Variants in DLG2 observed in about 807,000 individuals in gnomAD.
DLG2 encodes the protein discs large MAGUK scaffold protein 2.
In DLG2, 45 loss-of-function variants were observed where a neutral mutation model predicts 132.5. The ratio of observed to expected loss-of-function variants is 0.34; its 90% CI spans 0.27 to 0.44. DLG2 has a LOEUF of 0.44. DLG2 is among the 20% of genes least tolerant of loss of function. The pLI is 1.00. For missense variants in DLG2, 1,045 were observed against 1,196.9 expected (o/e 0.87, Z 1.87); for synonymous variants, 424 against 419.6 (o/e 1.01, Z -0.13).
Position 84,534,778 on chromosome 11 carries a change from G to T in DLG2, c.358-47C>A. ...GACAAGTATGTATATATCAGTGTTT[G>T]TAAAGGATATAGACTGAACTTCATA... On this transcript the variant is annotated intron_variant, in intron 6 of 27. Transcript: ENST00000376104. The T allele has an allele frequency of 5.7e-6, 9 of 1,588,502 alleles. No individual in the cohort carries two copies. The South Asian group carries it at 9.9e-5, about 18-fold the overall frequency.
At chr11:84,203,336 A>T (rs929550777) in intron 8 of DLG2, among the ~76,000 whole-genome samples, 8 of 152,116 alleles carry the variant, frequency 5.3e-5, no homozygotes, top group African/African-American at 1.9e-4. Context: ...TAATCTCAGC[A>T]CTTTGGGAGG....
intron 18 of DLG2, among the ~76,000 whole-genome samples, chr11:83,679,368 T>C (rs1035031133): frequency 7.2e-5 from 11 of 152,168 alleles, no homozygotes; most frequent in Non-Finnish European, 1.3e-4. Context: ...GGCCTAGTTG[T>C]TATTTGGCAA....
intron 3 of DLG2, among the ~76,000 whole-genome samples, chr11:85,434,042 T>G (rs2091340599): frequency 6.6e-6 from 1 of 152,028 alleles, no homozygotes; most frequent in Non-Finnish European, 1.5e-5. Flanking sequence ...AACAATTACA[T>G]GGAAATTGAA....
At chr11:84,684,579 TGGG>T (rs1486973473) in intron 6 of DLG2, among the ~76,000 whole-genome samples, 2 of 152,170 alleles carry the variant, frequency 1.3e-5, no homozygotes, top group Non-Finnish European at 2.9e-5. Context: ...CCTGAACATG[TGGG>T]TCAGATCTGG....
chr11:84,711,029 T>G (rs71191550), intron 6 of DLG2, among the ~76,000 whole-genome samples: 6,627 of 135,366 alleles, frequency 0.049, 200 homozygotes, highest in Middle Eastern at 0.12. Context: ...TATATATATA[T>G]ATAGAGCTGA....
intron 6 of DLG2, among the ~76,000 whole-genome samples, chr11:84,581,683 C>G (rs1011696498): frequency 6.6e-6 from 1 of 151,678 alleles, no homozygotes; most frequent in Non-Finnish European, 1.5e-5. Flanking sequence ...CCGAGGTGGG[C>G]GGATCACAAG....
intron 6 of DLG2, among the ~76,000 whole-genome samples, chr11:85,034,633 G>A (rs2061306797): frequency 6.6e-6 from 1 of 152,064 alleles, no homozygotes; most frequent in Non-Finnish European, 1.5e-5. Flanking sequence ...CAGAGTCTAG[G>A]CTTGAGCAAG....
chr11:83,553,347 G>A (rs1427455512), intron 19 of DLG2, among the ~76,000 whole-genome samples: 2 of 151,996 alleles, frequency 1.3e-5, no homozygotes, highest in Non-Finnish European at 2.9e-5. Context: ...AACACATAGG[G>A]TACATCTTAA....
intron 22 of DLG2, among the ~76,000 whole-genome samples, chr11:83,475,529 G>C (rs999680119): frequency 4.3e-5 from 6 of 138,936 alleles, no homozygotes; most frequent in African/African-American, 1.6e-4. Context: ...ATATTGCACT[G>C]TCTTGAAACA....
chr11:84,721,583 C>A (rs2067686441), intron 6 of DLG2, among the ~76,000 whole-genome samples: 1 of 149,822 alleles, frequency 6.7e-6, no homozygotes, highest in South Asian at 2.1e-4. Context: ...CTGGCTGGCA[C>A]AGCTGCAAAA....
At chr11:84,324,158 C>A (rs985160091) in intron 7 of DLG2, among the ~76,000 whole-genome samples, 1 of 151,900 alleles carries the variant, frequency 6.6e-6, no homozygotes, top group African/African-American at 2.4e-5. Flanking sequence ...ATAGGATTTT[C>A]TTTATATTTT....
intron 6 of DLG2, among the ~76,000 whole-genome samples, chr11:84,789,003 C>A (rs1297633132): frequency 1.3e-5 from 2 of 152,124 alleles, no homozygotes; most frequent in Non-Finnish European, 2.9e-5. Context: ...CATCCCTATG[C>A]CTTGTCTACA....
chr11:85,603,427 C>T (rs907638539), intron 2 of DLG2, among the ~76,000 whole-genome samples: 1 of 152,088 alleles, frequency 6.6e-6, no homozygotes, highest in Admixed American at 6.5e-5. Flanking sequence ...CACGTGATTA[C>T]CTCTAGTGCC....
At chr11:85,540,683 C>T (rs923167386) in intron 3 of DLG2, among the ~76,000 whole-genome samples, 2 of 152,254 alleles carry the variant, frequency 1.3e-5, no homozygotes, top group Non-Finnish European at 2.9e-5. Flanking sequence ...AAGCTGCCTA[C>T]AGACAGCAAA....
intron 3 of DLG2, among the ~76,000 whole-genome samples, chr11:85,448,482 G>A (rs1376821814): frequency 3.3e-5 from 5 of 152,128 alleles, no homozygotes; most frequent in Admixed American, 6.5e-5. Flanking sequence ...AAGTTAAAAG[G>A]AAACACTATT....
chr11:85,339,574 T>A (rs189157858), intron 3 of DLG2, among the ~76,000 whole-genome samples: 4 of 152,238 alleles, frequency 2.6e-5, no homozygotes, highest in Non-Finnish European at 5.9e-5. Context: ...CTATTTACAT[T>A]TGTATTTCTC....
chr11:85,186,100 T>C (rs1356730629), intron 4 of DLG2, among the ~76,000 whole-genome samples: 1 of 152,038 alleles, frequency 6.6e-6, no homozygotes, highest in Non-Finnish European at 1.5e-5. Context: ...GCCTACACTG[T>C]AGATTTTCTG....
At chr11:85,470,966 C>T (rs1422038046) in intron 3 of DLG2, among the ~76,000 whole-genome samples, 1 of 152,214 alleles carries the variant, frequency 6.6e-6, no homozygotes, top group East Asian at 1.9e-4. Context: ...TGCCTTGCAA[C>T]ACTTATTTAC....
At chr11:83,499,584 C>CT (rs201241663) in intron 21 of DLG2, among the ~76,000 whole-genome samples, 64 of 149,104 alleles carry the variant, frequency 4.3e-4, no homozygotes, top group Middle Eastern at 6.9e-3. Flanking sequence ...ATCATGATTG[C>CT]TTTTTTTTTC....
Sources: allele counts gnomAD v4.1 joint callset (sites outside exome capture counted in the v4.1 genomes callset), GRCh38; gene constraint gnomAD v4.1.1; transcripts MANE v1.5; gene names NCBI Gene and HGNC (gene_info 2026-07-23, HGNC 2026-07-21).